Variants in FRAS1 observed in about 807,000 individuals in gnomAD.
FRAS1 encodes extracellular matrix organizing protein FRAS1.
A neutral mutation model predicts 435.2 loss-of-function variants in FRAS1; 290 were observed. That is an observed-to-expected ratio of 0.67 (90% CI 0.61 to 0.73). FRAS1 has a LOEUF of 0.73. FRAS1 is among the 30% of genes least tolerant of loss of function. The pLI is 0.00. For synonymous variants in FRAS1, 1,800 were observed against 1,851.0 expected (o/e 0.97, Z 0.71); for missense variants, 4,860 against 5,001.5 (o/e 0.97, Z 0.85).
chr4:78,493,900 C>G (rs1024159147), intron 59 of FRAS1, among the ~76,000 whole-genome samples: 1 of 152,134 alleles, frequency 6.6e-6, no homozygotes, highest in African/African-American at 2.4e-5. Context: ...GAATCAGAAT[C>G]ACATTTTCCC....
At chr4:78,263,970 C>T (rs1726233859) in intron 6 of FRAS1, among the ~76,000 whole-genome samples, 1 of 152,142 alleles carries the variant, frequency 6.6e-6, no homozygotes, top group Non-Finnish European at 1.5e-5. Flanking sequence ...GTAGACTGGC[C>T]TTCTTGTTCT....
rs1732263112 is a variant in FRAS1 at position 78,387,499 on chromosome 4, A to G, written c.3773A>G (p.Asp1258Gly). The change falls in exon 29 of 74, where the codon GAT becomes GGT. Residue 1258 changes from aspartate (D) to glycine (G), a missense_variant. Asp to Gly is a moderately conservative substitution (Grantham distance 94). Transcript: ENST00000512123. Reference protein sequence around the residue: ...NPQDVVIEIIDPPLHGQLLQT... With the variant: ...NPQDVVIEIIGPPLHGQLLQT... ...CAGGATGTGGTCATTGAAATAATCGATCCTCCACTTCATGGCCAATTGCTT... is the reference window on the plus strand; with the variant it reads ...CAGGATGTGGTCATTGAAATAATCGGTCCTCCACTTCATGGCCAATTGCTT... The G allele has an allele frequency of 6.2e-7, 1 of 1,613,360 alleles. No individual in the cohort carries two copies. Among genetic ancestry groups the G allele is most frequent in the Non-Finnish European group, 8.5e-7 (1 of 1,179,784 alleles).
chr4:78,239,177 T>A (rs1421513259), intron 3 of FRAS1, among the ~76,000 whole-genome samples: 2 of 152,198 alleles, frequency 1.3e-5, no homozygotes, highest in Non-Finnish European at 2.9e-5. Context: ...ATATCAAACT[T>A]GTGATTTCAT....
intron 18 of FRAS1, among the ~76,000 whole-genome samples, chr4:78,328,760 C>T (rs72866346): frequency 0.039 from 5,973 of 152,108 alleles, 322 homozygotes; most frequent in African/African-American, 0.12. Context: ...ATGACTCATA[C>T]GGTTTAGTAA....
At chr4:78,447,923 C>T in intron 43 of FRAS1, 130 bp from the exon 44 acceptor site, 1 of 750,682 alleles carries the variant, frequency 1.3e-6, no homozygotes. Flanking sequence ...AAGCTGTTGG[C>T]ACCAAGAGCC....
chr4:78,189,177 A>G (rs1722418096), intron 2 of FRAS1, among the ~76,000 whole-genome samples: 1 of 152,222 alleles, frequency 6.6e-6, no homozygotes, highest in Non-Finnish European at 1.5e-5. Context: ...ATCTGACCAC[A>G]TGTATGATTA....
At position 78,301,846 on chromosome 4, in the gene FRAS1, G is replaced by GTTTT. The variant is rs59794614; in HGVS notation, c.1535-6200_1535-6197dup. On this transcript the variant is annotated intron_variant, in intron 14 of 73. Transcript: ENST00000512123. Reference sequence around the variant, plus strand: ...GTTGTACTTCTGGCCCACAGAAACAGTTTTTTTTTTTTTTTTTTTTTTTAT... The same window carrying GTTTT: ...GTTGTACTTCTGGCCCACAGAAACAGTTTTTTTTTTTTTTTTTTTTTTTTTTTAT... Among the ~76,000 whole-genome samples, 248 of 103,794 alleles carry GTTTT rather than the reference G, an allele frequency of 2.4e-3. 1 individual carries two copies. Among genetic ancestry groups the GTTTT allele is most frequent in the African/African-American group, 6.1e-3 (164 of 27,050 alleles). 68.1% of individuals were successfully genotyped at this position (103,794 alleles called of 152,430 possible).
At chr4:78,423,769 C>T (rs1733892559) in intron 34 of FRAS1, among the ~76,000 whole-genome samples, 1 of 152,064 alleles carries the variant, frequency 6.6e-6, no homozygotes, top group African/African-American at 2.4e-5. Context: ...AACTAATAGC[C>T]CATGAAAATG....
intron 2 of FRAS1, among the ~76,000 whole-genome samples, chr4:78,112,813 ATTAT>A (rs926814432): frequency 6.2e-5 from 9 of 145,096 alleles, no homozygotes; most frequent in Admixed American, 2.8e-4. Context: ...TTTTTACTTT[ATTAT>A]TTATTTATTT....
At chr4:78,412,774 AAATCAGTAAAAGATCAATATTAAAATATG>A (rs1474077685) in intron 31 of FRAS1, among the ~76,000 whole-genome samples, 166 bp from the exon 32 acceptor site, 3 of 152,198 alleles carry the variant, frequency 2.0e-5, no homozygotes, top group East Asian at 3.8e-4. Context: ...GCTTAAAATG[AAATCAGTAAAAGATCAATATTAAAATATG>A]AATCAGTAAA....
At chr4:78,156,958 T>A in intron 2 of FRAS1, among the ~76,000 whole-genome samples, 1 of 152,176 alleles carries the variant, frequency 6.6e-6, no homozygotes, top group Non-Finnish European at 1.5e-5. Flanking sequence ...TGCGCCCAGC[T>A]TCTGAGTCTC....
rs867766830 is a variant in FRAS1, at chr4:78,303,374, G to T, written c.1535-4692G>T. Among the ~76,000 whole-genome samples, 13 of 152,260 alleles carry T rather than the reference G, an allele frequency of 8.5e-5. No individual in the cohort carries two copies. In the South Asian group the frequency reaches 2.1e-3, roughly 24 times the overall value. On this transcript the variant is annotated intron_variant, in intron 14 of 73. Coordinates refer to ENST00000512123, the MANE Select transcript of FRAS1 (RefSeq NM_025074.7). Reference sequence around the variant, plus strand: ...TTGGTTCCATATGAACTTTAAAGTAGTTTTTTCCAATTCTGTGAAGAAAGT... The same window carrying T: ...TTGGTTCCATATGAACTTTAAAGTATTTTTTTCCAATTCTGTGAAGAAAGT...
intron 2 of FRAS1, among the ~76,000 whole-genome samples, chr4:78,195,048 G>C (rs529338341): frequency 1.2e-4 from 18 of 152,324 alleles, no homozygotes; most frequent in African/African-American, 4.3e-4. Flanking sequence ...TCCAGACCCT[G>C]TTTGCCTGGG....
At chr4:78,117,091 G>T (rs1333011453) in intron 2 of FRAS1, among the ~76,000 whole-genome samples, 1 of 152,170 alleles carries the variant, frequency 6.6e-6, no homozygotes, top group Non-Finnish European at 1.5e-5. Context: ...CACTTATGAA[G>T]CTTAGTTTGT....
At position 78,298,947 on chromosome 4, in the gene FRAS1, C is replaced by T. The variant is rs76169164; in HGVS notation, c.1535-9119C>T. ...AGTAGGATAAATATGATAAGAGAGG[C>T]ATATGCAACATGCTGCAGGAACATA... is the stretch of plus-strand genomic sequence containing the variant. On this transcript the variant is annotated intron_variant, in intron 14 of 73. Coordinates refer to ENST00000512123, the MANE Select transcript of FRAS1 (RefSeq NM_025074.7). 1.3e-3 allele frequency among the ~76,000 whole-genome samples: 195 copies of T among 152,232 alleles called. 5 individuals carry two copies. The East Asian group carries it at 0.036, about 28-fold the overall frequency.
chr4:78,531,308 C>T (rs1284338692), intron 70 of FRAS1, among the ~76,000 whole-genome samples: 1 of 152,162 alleles, frequency 6.6e-6, no homozygotes. Flanking sequence ...GACTTCCTCT[C>T]TTCCTATTTG....
At chr4:78,119,589 G>C (rs573954841) in intron 2 of FRAS1, among the ~76,000 whole-genome samples, 1 of 152,116 alleles carries the variant, frequency 6.6e-6, no homozygotes. Flanking sequence ...CCATTCAGCT[G>C]TTGTTGGACA....
intron 47 of FRAS1, among the ~76,000 whole-genome samples, chr4:78,456,141 T>TTTTTTTTC (rs1553962168): frequency 0.34 from 35,849 of 106,112 alleles, 6,428 homozygotes; most frequent in Admixed American, 0.39. Context: ...CATGTCACTT[T>TTTTTTTTC]TTTTTTTTTT....
chr4:78,061,319 C>G (rs1213192706), intron 1 of FRAS1, among the ~76,000 whole-genome samples: 1 of 152,208 alleles, frequency 6.6e-6, no homozygotes, highest in Non-Finnish European at 1.5e-5. Flanking sequence ...TGGCTGCTTT[C>G]TGAATCACAG....
Sources: allele counts gnomAD v4.1 joint callset (sites outside exome capture counted in the v4.1 genomes callset), GRCh38; gene constraint gnomAD v4.1.1; transcripts MANE v1.5; gene names NCBI Gene and HGNC (gene_info 2026-07-23, HGNC 2026-07-21).